Variants in CLASP1 observed in about 807,000 individuals in gnomAD.
The protein encoded by CLASP1 is CLIP-associating protein 1.
Under a neutral mutation model 192.3 loss-of-function variants are expected in CLASP1, and 38 were observed. The ratio of observed to expected loss-of-function variants is 0.20; its 90% CI spans 0.15 to 0.26. The LOEUF (loss-of-function observed/expected upper bound fraction) is 0.26, where lower values mean the gene tolerates loss of function less well. Ranked by LOEUF, CLASP1 falls within the 10% of genes least tolerant of loss-of-function variation. The probability of loss-of-function intolerance (pLI) is 1.00; values close to 1 mark genes in which losing one functional copy is unlikely to be tolerated. For missense variants in CLASP1, 1,433 were observed against 1,932.5 expected (o/e 0.74, Z 4.85); for synonymous variants, 691 against 712.8 (o/e 0.97, Z 0.49).
chr2:121,453,455 CT>C lies in CLASP1; in HGVS notation c.1386-1607del, dbSNP rs369456169. Among the ~76,000 whole-genome samples, 82 of 152,314 alleles carry C rather than the reference CT, an allele frequency of 5.4e-4. 2 individuals carry two copies. The East Asian group carries it at 0.012, about 22-fold the overall frequency. ...AGCAGCTCACAGGAGAGCCATGCAG[CT>C]TGGTCCTAGGGCCGGCAGTGGTGGG... On this transcript the variant is annotated intron_variant, in intron 14 of 39. Transcript: ENST00000263710.
intron 2 of CLASP1, chr2:121,530,831 C>T (rs72969386): frequency 1.5e-6 from 1 of 661,320 alleles, no homozygotes; most frequent in South Asian, 1.6e-5. Flanking sequence ...TACCACAACC[C>T]TACCAGGTAT....
chr2:121,647,500 T>C (rs2073389385), intron 1 of CLASP1, among the ~76,000 whole-genome samples: 1 of 152,230 alleles, frequency 6.6e-6, no homozygotes, highest in Non-Finnish European at 1.5e-5. Context: ...GGGTCTGAAA[T>C]CTTGCTCTAT....
intron 34 of CLASP1, among the ~76,000 whole-genome samples, chr2:121,368,321 C>T (rs907483358): frequency 6.6e-6 from 1 of 152,210 alleles, no homozygotes; most frequent in South Asian, 2.1e-4. Context: ...AGTGCTGGGC[C>T]TCGGCGCTTC....
At chr2:121,445,483 CA>C (rs1241964472) in intron 19 of CLASP1, 1 of 1,289,426 alleles carries the variant, frequency 7.8e-7, no homozygotes, top group East Asian at 5.5e-5. Context: ...TGTCTTCCCT[CA>C]TGTGTCTGGA....
intron 2 of CLASP1, among the ~76,000 whole-genome samples, chr2:121,587,111 C>T (rs2061803705): frequency 6.6e-6 from 1 of 152,080 alleles, no homozygotes; most frequent in African/African-American, 2.4e-5. Context: ...CACAGTGGTG[C>T]GAGCCTGTAG....
chr2:121,368,472 C>G (rs1202688218), intron 34 of CLASP1, among the ~76,000 whole-genome samples: 1 of 151,614 alleles, frequency 6.6e-6, no homozygotes, highest in East Asian at 1.9e-4. Flanking sequence ...CTAGTATATT[C>G]TGAATGTTGT....
At chr2:121,478,823 CCACACACCACACACCACA>C (rs1559367794) in intron 8 of CLASP1, among the ~76,000 whole-genome samples, 3 of 31,016 alleles carry the variant, frequency 9.7e-5, no homozygotes, top group Non-Finnish European at 2.0e-4. Flanking sequence ...CCACACACAA[CCACACACCACACACCACA>C]CACACACCAC....
chr2:121,423,124 A>G (rs1313202069), intron 22 of CLASP1, among the ~76,000 whole-genome samples: 1 of 152,166 alleles, frequency 6.6e-6, no homozygotes, highest in East Asian at 1.9e-4. Flanking sequence ...CATTTTATTC[A>G]TATAGATTTC....
At chr2:121,414,499 A>T (rs2078230501) in intron 23 of CLASP1, among the ~76,000 whole-genome samples, 1 of 152,302 alleles carries the variant, frequency 6.6e-6, no homozygotes, top group South Asian at 2.1e-4. Flanking sequence ...CACGCCATGA[A>T]GCCTCTATCA....
Position 121,534,505 on chromosome 2 carries a change from G to A in CLASP1, c.196-4180C>T, listed in dbSNP as rs188245384. Reference sequence around the variant, plus strand: ...ACATCATCCTAATAATCTAGTCCTCGGATTATTCCTGTAAAAATTTTCTTT... The same window carrying A: ...ACATCATCCTAATAATCTAGTCCTCAGATTATTCCTGTAAAAATTTTCTTT... On this transcript the variant is annotated intron_variant, in intron 2 of 39. Transcript: ENST00000263710. 2.0e-3 allele frequency among the ~76,000 whole-genome samples: 311 copies of A among 152,210 alleles called. 1 individual carries two copies. The highest frequency in any genetic ancestry group is 7.1e-3 in the African/African-American group (295 of 41,530).
chr2:121,435,553 C>T (rs1276911650), intron 19 of CLASP1, among the ~76,000 whole-genome samples: 3 of 152,158 alleles, frequency 2.0e-5, no homozygotes, highest in African/African-American at 7.2e-5. Context: ...GGATTACAGG[C>T]GTGAGCCACC....
intron 2 of CLASP1, chr2:121,532,359 C>T (rs2094916465): frequency 6.6e-6 from 1 of 152,184 alleles, no homozygotes; most frequent in Admixed American, 6.5e-5. Flanking sequence ...TTAGGTTTCA[C>T]ACTATGACTT....
intron 37 of CLASP1, among the ~76,000 whole-genome samples, chr2:121,356,307 G>GT (rs1356339276): frequency 6.6e-6 from 1 of 152,230 alleles, no homozygotes; most frequent in Non-Finnish European, 1.5e-5. Flanking sequence ...TTGACCCTGA[G>GT]TTTAAGTATC....
At chr2:121,531,159 G>A (rs566081734) in intron 2 of CLASP1, 21 of 611,514 alleles carry the variant, frequency 3.4e-5, no homozygotes, top group South Asian at 3.2e-4. Flanking sequence ...GATTAAACGG[G>A]AAGGATTTCA....
chr2:121,388,428 A>G (rs1271256291), intron 30 of CLASP1, among the ~76,000 whole-genome samples: 1 of 152,190 alleles, frequency 6.6e-6, no homozygotes, highest in Non-Finnish European at 1.5e-5. Flanking sequence ...TAAACCAAGG[A>G]GAGAGACTTT....
chr2:121,479,522 A>C (rs527623790), intron 8 of CLASP1, among the ~76,000 whole-genome samples: 161 of 152,336 alleles, frequency 1.1e-3, no homozygotes, highest in African/African-American at 3.7e-3. Context: ...ATATCAGAGG[A>C]ATTTTTGCTC....
At chr2:121,386,880 G>A (rs1008806585) in intron 32 of CLASP1, among the ~76,000 whole-genome samples, 2 of 152,210 alleles carry the variant, frequency 1.3e-5, no homozygotes, top group African/African-American at 4.8e-5. Flanking sequence ...AGGTACTAGT[G>A]AGTGTTTAGA....
chr2:121,531,090 A>T (rs1429914951), intron 2 of CLASP1: 2 of 658,984 alleles, frequency 3.0e-6, no homozygotes, highest in Non-Finnish European at 5.6e-6. Context: ...AAACCAGTAG[A>T]GGGTGCACAA....
chr2:121,564,201 T>C (rs2059322703), intron 2 of CLASP1, among the ~76,000 whole-genome samples: 1 of 152,166 alleles, frequency 6.6e-6, no homozygotes, highest in Non-Finnish European at 1.5e-5. Flanking sequence ...ATTCACTGAT[T>C]AGCTAAAGGC....
Sources: gnomAD v4.1 joint callset for allele counts (sites outside exome capture counted in the v4.1 genomes callset) on GRCh38, gnomAD v4.1.1 for gene constraint, MANE v1.5 for transcripts, NCBI Gene and HGNC (gene_info 2026-07-23, HGNC 2026-07-21) for gene names.